Variants in THEMIS observed in about 807,000 individuals in gnomAD.
THEMIS encodes the protein thymocyte selection associated.
In THEMIS, 37 loss-of-function variants were observed where a neutral mutation model predicts 52.6. That is an observed-to-expected ratio of 0.70 (90% CI 0.54 to 0.93). THEMIS has a LOEUF of 0.93. Ranked by LOEUF, THEMIS falls within the 40% of genes least tolerant of loss-of-function variation. The pLI is 0.00. For synonymous variants in THEMIS, 292 were observed against 272.7 expected (o/e 1.07, Z -0.70); for missense variants, 808 against 763.1 (o/e 1.06, Z -0.69).
intron 4 of THEMIS, among the ~76,000 whole-genome samples, chr6:127,751,093 G>A (rs759362494): frequency 5.9e-5 from 9 of 151,566 alleles, no homozygotes; most frequent in Non-Finnish European, 1.3e-4. Context: ...GGAGGTACAC[G>A]AATAACTTTT....
At chr6:127,832,723 A>T (rs546572321) in intron 2 of THEMIS, among the ~76,000 whole-genome samples, 1 of 151,446 alleles carries the variant, frequency 6.6e-6, no homozygotes, top group South Asian at 2.1e-4. Flanking sequence ...CAACCTTTAT[A>T]AAACAAGTTA....
intron 3 of THEMIS, among the ~76,000 whole-genome samples, chr6:127,818,155 A>G (rs542368198): frequency 6.6e-6 from 1 of 152,194 alleles, no homozygotes; most frequent in African/African-American, 2.4e-5. Flanking sequence ...ACTTCTACAT[A>G]AAGGAAAGGG....
At chr6:127,726,703 C>T (rs1037167388) in intron 4 of THEMIS, among the ~76,000 whole-genome samples, 1 of 152,084 alleles carries the variant, frequency 6.6e-6, no homozygotes, top group Non-Finnish European at 1.5e-5. Context: ...AAATCAAATA[C>T]TAGTTCATGG....
chr6:127,701,506 C>T, the THEMIS span, among the ~76,000 whole-genome samples: 11 of 152,062 alleles, frequency 7.2e-5, no homozygotes. Context: ...CATCATTGTA[C>T]ATGTCTTATT....
At position 127,712,202 on chromosome 6, in the gene THEMIS, T is replaced by A. The variant is rs1353769062; in HGVS notation, c.1895-2186A>T. Among the ~76,000 whole-genome samples the A allele has an allele frequency of 2.0e-5, 3 of 151,886 alleles. 1 individual carries two copies. The highest frequency in any genetic ancestry group is 4.4e-5 in the Non-Finnish European group (3 of 67,894). Reference sequence around the variant, plus strand: ...CACAGTTAAGCAGAAAAATGGGAGTTGAGGTAATTAAAATAATTAGATTAT... The same window carrying A: ...CACAGTTAAGCAGAAAAATGGGAGTAGAGGTAATTAAAATAATTAGATTAT... On this transcript the variant is annotated intron_variant, in intron 5 of 5. Transcript: ENST00000368248.
Position 127,758,972 on chromosome 6 carries a change from A to G in THEMIS, c.1759-39149T>C, listed in dbSNP as rs141782122. ...CAAAATAGTTAACCAGCAGAACTCA[A>G]TGCTAGACATGTCAAGAAGTCTGGA... On this transcript the variant is annotated intron_variant, in intron 4 of 5. Coordinates refer to ENST00000368248, the MANE Select transcript of THEMIS (RefSeq NM_001010923.3). Among the ~76,000 whole-genome samples the G allele has an allele frequency of 3.9e-3, 592 of 152,282 alleles. 5 individuals are homozygous for G. The highest frequency in any genetic ancestry group is 0.013 in the African/African-American group (555 of 41,584).
chr6:127,812,461 G>A (rs982295473), intron 4 of THEMIS, among the ~76,000 whole-genome samples: 1 of 152,036 alleles, frequency 6.6e-6, no homozygotes, highest in Non-Finnish European at 1.5e-5. Flanking sequence ...CATGCTACCA[G>A]TAACCCCCCA....
chr6:127,868,600 A>G (rs969239572), intron 1 of THEMIS: 1 of 332,162 alleles, frequency 3.0e-6, no homozygotes, highest in Non-Finnish European at 4.3e-6. Flanking sequence ...TTGGCTGGTG[A>G]TATCTGGCTA....
chr6:127,744,518 C>T (rs1775317526), intron 4 of THEMIS, among the ~76,000 whole-genome samples: 1 of 151,948 alleles, frequency 6.6e-6, no homozygotes, highest in Non-Finnish European at 1.5e-5. Context: ...GAAATCTTAT[C>T]ATTTGTGACA....
chr6:127,721,610 A>G (rs1351202548), intron 4 of THEMIS, among the ~76,000 whole-genome samples: 1 of 152,018 alleles, frequency 6.6e-6, no homozygotes, highest in Non-Finnish European at 1.5e-5. Flanking sequence ...AACTAGAACT[A>G]AACCACCCCA....
chr6:127,763,029 A>G (rs1776074780), intron 4 of THEMIS, among the ~76,000 whole-genome samples: 1 of 152,030 alleles, frequency 6.6e-6, no homozygotes, highest in Admixed American at 6.6e-5. Context: ...TGGGGAAATG[A>G]AAGGAAAGAC....
chr6:127,730,982 G>A (rs1043252691), intron 4 of THEMIS, among the ~76,000 whole-genome samples: 4 of 152,162 alleles, frequency 2.6e-5, no homozygotes, highest in Non-Finnish European at 5.9e-5. Context: ...TTTAGATGAT[G>A]CAAAACAATG....
intron 2 of THEMIS, among the ~76,000 whole-genome samples, chr6:127,837,993 G>A (rs566338576): frequency 1.1e-3 from 174 of 152,118 alleles, no homozygotes; most frequent in African/African-American, 3.9e-3. Flanking sequence ...ATTCTAAAAT[G>A]ATTATTTCTT....
chr6:127,846,338 A>T (rs969292421), intron 2 of THEMIS, among the ~76,000 whole-genome samples: 4 of 151,952 alleles, frequency 2.6e-5, no homozygotes, highest in Non-Finnish European at 5.9e-5. Flanking sequence ...AGAAAGTATG[A>T]CCTGTACACA....
Position 127,829,566 on chromosome 6 carries a change from T to C in THEMIS, c.619A>G (p.Asn207Asp), listed in dbSNP as rs756246058. 1.2e-5 allele frequency: 20 copies of C among 1,614,022 alleles called. No individual in the cohort carries two copies. Among genetic ancestry groups the C allele is most frequent in the East Asian group, 4.5e-5 (2 of 44,874 alleles). ...TRTVNLTDFSNKWDSTNPFPK... is the reference protein window; with the variant it reads ...TRTVNLTDFSDKWDSTNPFPK... ...AATGGATTCGTTGAGTCCCACTTATTTGAAAAATCTGTAAGGTTTACAGTT... is the reference window on the plus strand; with the variant it reads ...AATGGATTCGTTGAGTCCCACTTATCTGAAAAATCTGTAAGGTTTACAGTT... The change falls in exon 3 of 6, where the codon AAT becomes GAT. Residue 207 changes from asparagine to aspartate, a missense_variant. Asn to Asp is a conservative substitution (Grantham distance 23, BLOSUM62 1). Transcript: ENST00000368248.
At chr6:127,782,151 A>T (rs974673187) in intron 4 of THEMIS, among the ~76,000 whole-genome samples, 1 of 152,122 alleles carries the variant, frequency 6.6e-6, no homozygotes. Flanking sequence ...CCCTCCCTGC[A>T]CCAAGTACAA....
chr6:127,814,199 T>C (rs1778048557), intron 3 of THEMIS, among the ~76,000 whole-genome samples: 1 of 152,210 alleles, frequency 6.6e-6, no homozygotes, highest in Non-Finnish European at 1.5e-5. Flanking sequence ...CTCAAAATCA[T>C]ATCCTCACTT....
intron 4 of THEMIS, among the ~76,000 whole-genome samples, chr6:127,751,149 T>C (rs115989119): frequency 0.017 from 2,636 of 151,840 alleles, 82 homozygotes; most frequent in African/African-American, 0.061. Context: ...AAAGTAACTA[T>C]AGCTATAATA....
At chr6:127,737,116 C>A (rs1035918078) in intron 4 of THEMIS, among the ~76,000 whole-genome samples, 1 of 152,096 alleles carries the variant, frequency 6.6e-6, no homozygotes, top group Non-Finnish European at 1.5e-5. Context: ...ATATTCCCAC[C>A]AGATGGCAGT....
Sources: gnomAD v4.1 joint callset for allele counts (sites outside exome capture counted in the v4.1 genomes callset) on GRCh38, gnomAD v4.1.1 for gene constraint, MANE v1.5 for transcripts, NCBI Gene and HGNC (gene_info 2026-07-23, HGNC 2026-07-21) for gene names.